Variants in ANXA10 observed in about 807,000 individuals in gnomAD.
The protein encoded by ANXA10 is annexin A10, also known as annexin 14.
ANXA10 carries 49 observed loss-of-function variants against 53.5 expected under a neutral mutation model. That is an observed-to-expected ratio of 0.92 (90% confidence interval 0.73 to 1.16). The LOEUF (loss-of-function observed/expected upper bound fraction) is 1.16. Among genes scored for constraint, ANXA10 ranks in the 50% most tolerant of loss-of-function variants. The probability of loss-of-function intolerance (pLI) is 0.00; values close to 1 mark genes in which losing one functional copy is unlikely to be tolerated. For missense variants in ANXA10, 393 were observed against 394.4 expected (o/e 1.00, Z 0.03); for synonymous variants, 131 against 128.9 (o/e 1.02, Z -0.11).
At chr4:168,132,865 G>A (rs1247884498) in intron 2 of ANXA10, among the ~76,000 whole-genome samples, 6 of 151,930 alleles carry the variant, frequency 3.9e-5, no homozygotes, top group African/African-American at 7.2e-5. Context: ...CCATACAGTC[G>A]ATTCTCATTA....
rs79948819 is a variant in ANXA10 at position 168,110,794 on chromosome 4, A to G, written c.19-17290A>G. Among the ~76,000 whole-genome samples, 94 of 152,254 alleles carry G rather than the reference A, an allele frequency of 6.2e-4. 1 individual carries two copies. The East Asian group carries it at 0.017, about 27-fold the overall frequency. On this transcript the variant is annotated intron_variant, in intron 1 of 11. Transcript: ENST00000359299. ...GTATTAAGGAAAGGAAGAAAGAAAAAAACAACAAAACCAACCAGAGCCATG... is the reference window on the plus strand; with the variant it reads ...GTATTAAGGAAAGGAAGAAAGAAAAGAACAACAAAACCAACCAGAGCCATG...
intron 1 of ANXA10, among the ~76,000 whole-genome samples, chr4:168,114,442 T>C (rs1730858421): frequency 6.6e-6 from 1 of 152,180 alleles, no homozygotes; most frequent in Admixed American, 6.5e-5. Flanking sequence ...AAACTCTATG[T>C]TTTCATGTCA....
At chr4:168,121,568 A>G (rs1036965881) in intron 1 of ANXA10, among the ~76,000 whole-genome samples, 1 of 152,162 alleles carries the variant, frequency 6.6e-6, no homozygotes, top group Non-Finnish European at 1.5e-5. Context: ...TATCAAAGTT[A>G]ATCTCAAAAA....
intron 1 of ANXA10, among the ~76,000 whole-genome samples, chr4:168,099,661 G>A (rs1346316005): frequency 6.6e-6 from 1 of 151,940 alleles, no homozygotes; most frequent in South Asian, 2.1e-4. Flanking sequence ...TTTCATTCTA[G>A]ATATTGTGAA....
chr4:168,122,065 A>G (rs1451106071), intron 1 of ANXA10, among the ~76,000 whole-genome samples: 3 of 151,002 alleles, frequency 2.0e-5, no homozygotes, highest in Non-Finnish European at 4.4e-5. Flanking sequence ...CATTTCGTGA[A>G]CTCCTGATCT....
At chr4:168,155,815 TATATATG>T (rs1361825151) in intron 3 of ANXA10, among the ~76,000 whole-genome samples, 7 of 12,040 alleles carry the variant, frequency 5.8e-4, no homozygotes, top group Non-Finnish European at 9.2e-4. Flanking sequence ...TATGATATAT[TATATATG>T]ATATATGATA....
intron 1 of ANXA10, among the ~76,000 whole-genome samples, chr4:168,105,485 T>C (rs1159645577): frequency 2.0e-5 from 3 of 152,158 alleles, no homozygotes; most frequent in Admixed American, 6.6e-5. Context: ...CCATGTTGTA[T>C]ATGTGCCACA....
intron 6 of ANXA10, among the ~76,000 whole-genome samples, chr4:168,177,438 C>T (rs752760641): frequency 2.0e-5 from 3 of 152,124 alleles, no homozygotes; most frequent in Non-Finnish European, 2.9e-5. Flanking sequence ...AGTGGATACT[C>T]AGTTTGATAA....
chr4:168,115,793 C>T (rs1315991891), intron 1 of ANXA10, among the ~76,000 whole-genome samples: 1 of 152,150 alleles, frequency 6.6e-6, no homozygotes, highest in Admixed American at 6.5e-5. Context: ...CTTACTCAGC[C>T]TCATAGTCTT....
At chr4:168,166,793 T>C (rs1731888915) in intron 6 of ANXA10, among the ~76,000 whole-genome samples, 1 of 151,894 alleles carries the variant, frequency 6.6e-6, no homozygotes, top group African/African-American at 2.4e-5. Flanking sequence ...AACCAAGAAG[T>C]TGATAGAATT....
At chr4:168,147,731 A>G (rs951935887) in intron 3 of ANXA10, among the ~76,000 whole-genome samples, 1 of 152,232 alleles carries the variant, frequency 6.6e-6, no homozygotes. Flanking sequence ...GAGTCCAGGT[A>G]GAATGGTGAC....
chr4:168,153,735 A>G (rs1033315789), intron 3 of ANXA10, among the ~76,000 whole-genome samples: 1 of 152,102 alleles, frequency 6.6e-6, no homozygotes. Flanking sequence ...ATTTATATCA[A>G]CTCTGCGAGG....
intron 6 of ANXA10, among the ~76,000 whole-genome samples, chr4:168,176,913 T>C (rs1732140453): frequency 1.3e-5 from 2 of 151,970 alleles, no homozygotes; most frequent in South Asian, 4.2e-4. Context: ...GGCAGGAGGA[T>C]TGCTTGAGTC....
At chr4:168,121,058 C>T (rs1308739171) in intron 1 of ANXA10, among the ~76,000 whole-genome samples, 1 of 151,962 alleles carries the variant, frequency 6.6e-6, no homozygotes, top group Admixed American at 6.6e-5. Context: ...AAAAGCAATT[C>T]TATCTTTTAA....
chr4:168,170,927 C>T (rs528260003), intron 6 of ANXA10, among the ~76,000 whole-genome samples: 24 of 152,128 alleles, frequency 1.6e-4, no homozygotes, highest in East Asian at 1.9e-4. Context: ...TCAGAAGTTC[C>T]GTGATAATTT....
intron 1 of ANXA10, among the ~76,000 whole-genome samples, chr4:168,095,624 T>A (rs1730529430): frequency 6.6e-6 from 1 of 152,166 alleles, no homozygotes; most frequent in Non-Finnish European, 1.5e-5. Context: ...GGTTTGAAGT[T>A]CTTTTGGAGG....
chr4:168,162,298 T>C (rs1026815608), intron 3 of ANXA10, among the ~76,000 whole-genome samples: 1 of 152,182 alleles, frequency 6.6e-6, no homozygotes, highest in African/African-American at 2.4e-5. Flanking sequence ...CATTCTATGT[T>C]CAAATGTCTA....
chr4:168,166,631 CGTGTGTGTGTGTGTGTGTGTGTGTGTGT>C (rs34797848), intron 6 of ANXA10, among the ~76,000 whole-genome samples: 14 of 136,704 alleles, frequency 1.0e-4, no homozygotes, highest in Admixed American at 4.5e-4. Context: ...TTTTGTGTTT[CGTGTGTGTGTGTGTGTGTGTGTGTGTGT>C]GTGTGTGTGT....
At chr4:168,114,916 C>T (rs1455392462) in intron 1 of ANXA10, among the ~76,000 whole-genome samples, 1 of 151,946 alleles carries the variant, frequency 6.6e-6, no homozygotes, top group Non-Finnish European at 1.5e-5. Flanking sequence ...GAGACAGGGT[C>T]TTACTTTGTA....
Sources: gnomAD v4.1 joint callset for allele counts (sites outside exome capture counted in the v4.1 genomes callset) on GRCh38, gnomAD v4.1.1 for gene constraint, MANE v1.5 for transcripts, NCBI Gene and HGNC (gene_info 2026-07-23, HGNC 2026-07-21) for gene names.